C2CD3: variants seen among roughly 807,000 people sequenced by gnomAD.
The protein encoded by C2CD3 is C2 domain containing 3 centriole elongation regulator.
In C2CD3, 148 loss-of-function variants were observed where a neutral mutation model predicts 234.0. The observed-to-expected ratio is 0.63, with a 90% CI of 0.55 to 0.72. The LOEUF (loss-of-function observed/expected upper bound fraction) is 0.72. Ranked by LOEUF, C2CD3 falls within the 30% of genes least tolerant of loss-of-function variation. C2CD3 has a pLI of 0.00. For synonymous variants in C2CD3, 1,000 were observed against 1,035.4 expected (o/e 0.97, Z 0.66); for missense variants, 2,577 against 2,811.5 (o/e 0.92, Z 1.89).
chr11:74,049,353 T>A lies in C2CD3; in HGVS notation c.5345A>T (p.Glu1782Val), dbSNP rs1328797161. The A allele has an allele frequency of 3.1e-6, 5 of 1,614,096 alleles. No homozygotes were observed. In the East Asian group the frequency reaches 1.1e-4, roughly 36 times the overall value. ...CATACATACCAGTGATTTTGAGGTC[T>A]CCACTCCACGCCTTGCTTGCCTTTC... The part of the protein sequence containing the change: ...KEERQARRGV[E>V]TSKSLIPIYS... Residue 1782 changes from glutamate (E) to valine (V), a missense_variant, in exon 27 of 33, where the codon GAG becomes GTG. By Grantham distance (121) the Glu-to-Val change is moderately radical (BLOSUM62 -2). Transcript: ENST00000334126.
chr11:74,089,267 T>A (rs1955783232), intron 20 of C2CD3, among the ~76,000 whole-genome samples: 1 of 152,162 alleles, frequency 6.6e-6, no homozygotes, highest in Admixed American at 6.5e-5. Flanking sequence ...CATACCCATA[T>A]AACAAATCTG....
chr11:74,034,579 G>A lies in C2CD3; in HGVS notation c.5882-301C>T, dbSNP rs140440276. On this transcript the variant is annotated intron_variant, in intron 30 of 32. Transcript: ENST00000334126. The stretch of plus-strand genomic sequence containing the variant: ...GGGAGCTGGGAGTCCTGGTGGGCAT[G>A]TTCATGCTTCCAGTTACTTCAGTAA... 2.7e-4 allele frequency: 437 copies of A among 1,613,788 alleles called. 2 individuals are homozygous for A. In the East Asian group the frequency reaches 8.1e-3, roughly 30 times the overall value.
chr11:74,149,801 C>T (rs1855474894), intron 3 of C2CD3, among the ~76,000 whole-genome samples: 1 of 152,080 alleles, frequency 6.6e-6, no homozygotes, highest in South Asian at 2.1e-4. Context: ...GAGAAAGTCC[C>T]TCAGCTGCTT....
chr11:74,082,494 AG>A (rs1417598191), intron 22 of C2CD3, among the ~76,000 whole-genome samples: 1 of 152,172 alleles, frequency 6.6e-6, no homozygotes, highest in Non-Finnish European at 1.5e-5. Flanking sequence ...TTTAGCATGA[AG>A]GGCTGTTGAA....
intron 28 of C2CD3, among the ~76,000 whole-genome samples, chr11:74,044,800 A>G (rs1348404068): frequency 6.6e-6 from 1 of 151,888 alleles, no homozygotes; most frequent in African/African-American, 2.4e-5. Flanking sequence ...AAGAGAGAAC[A>G]TGTGGTATTT....
chr11:74,141,821 C>T (rs1045425744), intron 3 of C2CD3, among the ~76,000 whole-genome samples: 5 of 151,740 alleles, frequency 3.3e-5, no homozygotes, highest in Non-Finnish European at 5.9e-5. Flanking sequence ...ATAGTGAGAA[C>T]CTGTCACTAC....
At chr11:74,018,748 A>G (rs1951968727) in intron 32 of C2CD3, among the ~76,000 whole-genome samples, 1 of 152,208 alleles carries the variant, frequency 6.6e-6, no homozygotes, top group African/African-American at 2.4e-5. Flanking sequence ...AAGTGAGGAC[A>G]AGGCACTTAG....
At chr11:74,039,212 C>T (rs1422673841) in intron 29 of C2CD3, among the ~76,000 whole-genome samples, 1 of 152,154 alleles carries the variant, frequency 6.6e-6, no homozygotes, top group Non-Finnish European at 1.5e-5. Flanking sequence ...CAGTGTAGAA[C>T]CATGTAGAAC....
At position 74,157,806 on chromosome 11, in the gene C2CD3, G is replaced by A. The variant is rs77742214; in HGVS notation, c.483+3593C>T. 5.6e-3 allele frequency among the ~76,000 whole-genome samples: 843 copies of A among 151,870 alleles called. 7 individuals are homozygous for A. The highest frequency in any genetic ancestry group is 0.011 in the South Asian group (54 of 4,830). On this transcript the variant is annotated intron_variant, in intron 3 of 32. Transcript: ENST00000334126. ...CCCCACAGAAGAGGGACCATTCTAT[G>A]TTCTTTCCTAGTATCTCATGCATAT...
At chr11:74,161,091 CTA>C (rs1214945862) in intron 3 of C2CD3, among the ~76,000 whole-genome samples, 1 of 152,048 alleles carries the variant, frequency 6.6e-6, no homozygotes, top group Admixed American at 6.5e-5. Context: ...ATTTTGGAAA[CTA>C]TGTAGAATTA....
intron 29 of C2CD3, among the ~76,000 whole-genome samples, chr11:74,040,527 C>G (rs1952983190): frequency 6.6e-6 from 1 of 151,728 alleles, no homozygotes; most frequent in Non-Finnish European, 1.5e-5. Flanking sequence ...AATCCCAGCA[C>G]TTTGGGGTCA....
At chr11:74,080,434 A>T (rs1355987862) in intron 22 of C2CD3, among the ~76,000 whole-genome samples, 1 of 152,048 alleles carries the variant, frequency 6.6e-6, no homozygotes, top group Non-Finnish European at 1.5e-5. Context: ...GGTTCTTAAC[A>T]TTTTTTTGGT....
intron 22 of C2CD3, among the ~76,000 whole-genome samples, chr11:74,080,965 G>C (rs1955327075): frequency 6.6e-6 from 1 of 152,076 alleles, no homozygotes; most frequent in African/African-American, 2.4e-5. Context: ...ATATCAACTT[G>C]TGCAGACTTC....
rs746044826 is a variant in C2CD3 at position 74,168,625 on chromosome 11, T to A, written c.56-12A>T. 6.2e-7 allele frequency: 1 copy of A among 1,603,800 alleles called. No individual in the cohort carries two copies. The highest frequency in any genetic ancestry group is 1.1e-5 in the South Asian group (1 of 89,468). On this transcript the variant is annotated splice_polypyrimidine_tract_variant and intron_variant, in intron 1 of 32. Coordinates refer to ENST00000334126, the MANE Select transcript of C2CD3 (RefSeq NM_001286577.2). ...AATGTCACTTAAACCTGTAGAGGAA[T>A]CCAAGAAAACTGAGTCAAAATTTAG...
chr11:74,089,346 A>C (rs1264749053), intron 20 of C2CD3, among the ~76,000 whole-genome samples: 1 of 152,164 alleles, frequency 6.6e-6, no homozygotes. Context: ...CACACCAAAA[A>C]CCAAAACAAA....
rs959916384 is a variant in C2CD3 at position 74,123,003 on chromosome 11, T to C, written c.1350A>G (p.Leu450=). ...AGTGACTTACAGGTGCTGTATAAAATAAATTCTCCAGAAGACTCTGGTCAT... is the reference window on the plus strand; with the variant it reads ...AGTGACTTACAGGTGCTGTATAAAACAAATTCTCCAGAAGACTCTGGTCAT... ...PQYDQSLLEN[L]FYTAPKSDTS... Residue 450 remains leucine, a synonymous_variant, in exon 8 of 33, where the codon TTA becomes TTG. Coordinates refer to ENST00000334126, the MANE Select transcript of C2CD3 (RefSeq NM_001286577.2). 2 of 1,613,558 alleles carry C rather than the reference T, an allele frequency of 1.2e-6. No homozygotes were observed. The highest frequency in any genetic ancestry group is 1.7e-6 in the Non-Finnish European group (2 of 1,179,582).
At chr11:74,056,227 T>C (rs1953943003) in intron 25 of C2CD3, among the ~76,000 whole-genome samples, 1 of 152,232 alleles carries the variant, frequency 6.6e-6, no homozygotes, top group Non-Finnish European at 1.5e-5. Flanking sequence ...GTATGGCTAG[T>C]GTTGGTGGAC....
chr11:74,104,872 A>G (rs944358884), intron 13 of C2CD3, among the ~76,000 whole-genome samples: 7 of 152,212 alleles, frequency 4.6e-5, no homozygotes, highest in Non-Finnish European at 1.0e-4. Context: ...AAAAATTTCT[A>G]GTTGATCAAT....
rs1388374829 is a variant in C2CD3, at chr11:74,074,467, G to A, written c.4737C>T (p.His1579=). 3 of 1,614,192 alleles carry A rather than the reference G, an allele frequency of 1.9e-6. No individual in the cohort carries two copies. Among genetic ancestry groups the A allele is most frequent in the South Asian group, 2.2e-5 (2 of 91,088 alleles). Residue 1579 remains histidine, a synonymous_variant, in exon 24 of 33, where the codon CAC becomes CAT. Coordinates refer to ENST00000334126, the MANE Select transcript of C2CD3 (RefSeq NM_001286577.2). ...HELDSMDCSS[H]SESEQLPRRN... ...TTCTGGGGAGCTGCTCAGACTCACT[G>A]TGGCTGCTGCAGTCCATGGAGTCCA...
Sources: allele counts gnomAD v4.1 joint callset (sites outside exome capture counted in the v4.1 genomes callset), GRCh38; gene constraint gnomAD v4.1.1; transcripts MANE v1.5; gene names NCBI Gene and HGNC (gene_info 2026-07-23, HGNC 2026-07-21).